Variants in TMEM8B observed in about 807,000 individuals in gnomAD.
TMEM8B encodes the protein transmembrane protein 8B, also known as nasopharyngeal carcinoma expressed 6.
TMEM8B carries 29 observed loss-of-function variants against 49.3 expected under a neutral mutation model. The observed-to-expected ratio is 0.59, with a 90% confidence interval of 0.44 to 0.80. The LOEUF is 0.80. Ranked by LOEUF, TMEM8B falls within the 30% of genes least tolerant of loss-of-function variation. The probability of loss-of-function intolerance (pLI) is 0.00; values close to 1 mark genes in which losing one functional copy is unlikely to be tolerated. For missense variants in TMEM8B, 575 were observed against 658.5 expected (o/e 0.87, Z 1.39); for synonymous variants, 264 against 272.8 (o/e 0.97, Z 0.32).
intron 6 of TMEM8B, among the ~76,000 whole-genome samples, chr9:35,844,854 C>T (rs1391453046): frequency 1.3e-5 from 2 of 152,228 alleles, no homozygotes; most frequent in Non-Finnish European, 2.9e-5. Context: ...TTCTATGACG[C>T]GTGCTAAGCA....
rs1830314178 is a variant in TMEM8B at position 35,835,043 on chromosome 9, A to G, written c.731A>G (p.Asn244Ser). Residue 244 changes from asparagine to serine, a missense_variant, in exon 3 of 13, where the codon AAT (asparagine) becomes AGT (serine). Transcript: ENST00000643932. ...CGGTCCGGGGCACCCCCTGTCATCA[A>G]TCCCCTGCATACACACTTCCCAGGG... Reference protein sequence around the residue: ...YFRSGAPPVINPLHTHFPGDT... With the variant: ...YFRSGAPPVISPLHTHFPGDT... 1 of 415,444 alleles carries G rather than the reference A, an allele frequency of 2.4e-6. No individual in the cohort carries two copies. Among genetic ancestry groups the G allele is most frequent in the African/African-American group, 2.1e-5 (1 of 48,610 alleles). 25.7% of individuals were successfully genotyped at this position (415,444 alleles called of 1,614,324 possible). A position where few individuals can be genotyped will look rare whatever the true frequency, so the allele number is the denominator to read the frequency against.
In TMEM8B at chr9:35,842,243, TG is replaced by T. The variant is rs1831083835; in HGVS notation, c.1310-147del. The T allele has an allele frequency of 8.8e-6, 5 of 566,852 alleles. No homozygotes were observed. Among genetic ancestry groups the T allele is most frequent in the Non-Finnish European group, 1.5e-5 (5 of 343,950 alleles). The allele number at this position is 566,852 out of a possible 1,614,324, so 35.1% of individuals were successfully genotyped here. A position where few individuals can be genotyped will look rare whatever the true frequency, so the allele number is the denominator to read the frequency against. ...CACCATTAGGAAACCCCTATAAACCTGGATGCCCCACACTCCCAAGGGACAT... is the reference window on the plus strand; with the variant it reads ...CACCATTAGGAAACCCCTATAAACCTGATGCCCCACACTCCCAAGGGACAT... On this transcript the variant is annotated intron_variant, in intron 5 of 12. Transcript: ENST00000643932. The surrounding 1 kb of genome is among the most constrained non-coding windows in gnomAD (Gnocchi z 5.6).
intron 6 of TMEM8B, 137 bp from the exon 7 acceptor site, chr9:35,845,838 G>C: frequency 6.5e-7 from 1 of 1,547,498 alleles, no homozygotes; most frequent in Non-Finnish European, 8.7e-7. Flanking sequence ...AGGTGAGAGA[G>C]CAGCTTTGGC....
Position 35,834,918 on chromosome 9 carries a change from G to C in TMEM8B, c.699-93G>C, listed in dbSNP as rs1212081189. On this transcript the variant is annotated intron_variant, in intron 2 of 12. Transcript: ENST00000643932. ...GTATAGGGAATCTATTTGTTTTATC[G>C]GTGAAGAGTGACAGTTCTTTTCTTT... 6 of 414,746 alleles carry C rather than the reference G, an allele frequency of 1.4e-5. No homozygotes were observed. In the East Asian group the frequency reaches 2.1e-4, roughly 15 times the overall value. 25.7% of individuals were successfully genotyped at this position (414,746 alleles called of 1,614,324 possible).
In TMEM8B at chr9:35,829,319, G is replaced by C; in HGVS notation, c.-129G>C. On this transcript the variant is annotated 5_prime_UTR_variant, in exon 1 of 13. Transcript: ENST00000643932. ...TCGCCCAGGCCTGAACTCCTACCCA[G>C]GTCCCCGGCCCCCGCCCCGGGCCCG... 1 of 368,776 alleles carries C rather than the reference G, an allele frequency of 2.7e-6. No individual in the cohort carries two copies. Among genetic ancestry groups the C allele is most frequent in the Non-Finnish European group, 4.8e-6 (1 of 206,594 alleles). 22.8% of individuals were successfully genotyped at this position (368,776 alleles called of 1,614,324 possible).
intron 10 of TMEM8B, among the ~76,000 whole-genome samples, chr9:35,851,137 G>T (rs539807602): frequency 9.2e-5 from 14 of 152,032 alleles, no homozygotes; most frequent in Middle Eastern, 6.8e-3. Flanking sequence ...ATTTTTGAGG[G>T]TCTCGTTCTG....
At chr9:35,845,274 C>T in intron 6 of TMEM8B, 1 of 479,156 alleles carries the variant, frequency 2.1e-6, no homozygotes, top group Non-Finnish European at 2.7e-6. Flanking sequence ...AATATATGGC[C>T]TACCTTAGGG....
At position 35,846,282 on chromosome 9, in the gene TMEM8B, CTG is replaced by C. The variant is rs746636457; in HGVS notation, c.1756_1757del (p.Val586GlnfsTer145). On this transcript the variant is annotated frameshift_variant, in exon 8 of 13. Coordinates refer to ENST00000643932, the MANE Select transcript of TMEM8B (RefSeq NM_001042590.4). LOFTEE classifies it high-confidence loss of function. ...GAGTCCCTGGCCGGCTTCCTCCTCT[CTG>C]TCAGTGCCACCACCAGGGTTGCCAG... 3 of 1,614,120 alleles carry C rather than the reference CTG, an allele frequency of 1.9e-6. No homozygotes were observed. The highest frequency in any genetic ancestry group is 1.7e-6 in the Non-Finnish European group (2 of 1,180,046).
Position 35,852,921 on chromosome 9 carries a change from C to A in TMEM8B, c.2270C>A (p.Ser757Tyr), listed in dbSNP as rs1362033061. ...QFCDFLGSLM[S>Y]VWVTVIAMAR... ...TGTGATTTCCTGGGCTCCTTAATGT[C>A]CGTGTGGGTCACTGTCATTGCCATG... The change falls in exon 11 of 13, where the codon TCC (serine) becomes TAC (tyrosine). Residue 757 changes from serine to tyrosine, a missense_variant. Transcript: ENST00000643932. 2.5e-6 allele frequency: 4 copies of A among 1,614,242 alleles called. No homozygotes were observed. The South Asian group carries it at 4.4e-5, about 18-fold the overall frequency.
rs896438982 is a variant in TMEM8B at position 35,854,363 on chromosome 9, G to A, written c.*523G>A. On this transcript the variant is annotated 3_prime_UTR_variant, in exon 13 of 13. Transcript: ENST00000643932. ...GATGGAGCTGGGACTGGGGCTGTCT[G>A]GGTGGCTGGTATCCTCGTTTGATAC... 1 of 154,704 alleles carries A rather than the reference G, an allele frequency of 6.5e-6. No individual in the cohort carries two copies. Among genetic ancestry groups the A allele is most frequent in the Non-Finnish European group, 1.4e-5 (1 of 69,502 alleles). 9.6% of individuals were successfully genotyped at this position (154,704 alleles called of 1,614,324 possible).
In TMEM8B at chr9:35,852,430, G is replaced by T. The variant is rs533429309; in HGVS notation, c.2176-397G>T. 4.6e-5 allele frequency among the ~76,000 whole-genome samples: 7 copies of T among 152,244 alleles called. 1 individual carries two copies. In the South Asian group the frequency reaches 1.2e-3, roughly 27 times the overall value. Reference sequence around the variant, plus strand: ...AAACTGGGACATAGTGGGGAGATTTGGTTTCTGGGTAGCTTAGAGCTTGGG... The same window carrying T: ...AAACTGGGACATAGTGGGGAGATTTTGTTTCTGGGTAGCTTAGAGCTTGGG... On this transcript the variant is annotated intron_variant, in intron 10 of 12. Coordinates refer to ENST00000643932, the MANE Select transcript of TMEM8B (RefSeq NM_001042590.4).
At position 35,862,003 on chromosome 9, in the gene TMEM8B, TTAAC is replaced by T. The variant is rs372842873; in HGVS notation, c.*8166_*8169del. ...GGTAATCTTGGTCAGTAACTGACCTTTAACTATCATCCATGTGAACATCTACAGT... is the reference window on the plus strand; with the variant it reads ...GGTAATCTTGGTCAGTAACTGACCTTTATCATCCATGTGAACATCTACAGT... On this transcript the variant is annotated 3_prime_UTR_variant, in exon 13 of 13. Transcript: ENST00000643932. The T allele has an allele frequency of 1.3e-4, 20 of 152,368 alleles. No individual in the cohort carries two copies. The highest frequency in any genetic ancestry group is 3.6e-4 in the African/African-American group (15 of 41,584). 9.4% of individuals were successfully genotyped at this position (152,368 alleles called of 1,614,324 possible). A position where few individuals can be genotyped will look rare whatever the true frequency, so the allele number is the denominator to read the frequency against.
chr9:35,833,724 C>T (rs2132225665), intron 1 of TMEM8B, among the ~76,000 whole-genome samples: 1 of 152,314 alleles, frequency 6.6e-6, no homozygotes, highest in South Asian at 2.1e-4. Context: ...GCTGTGCATT[C>T]TGACCTGGGA....
At chr9:35,831,864 T>C (rs553157535) in intron 1 of TMEM8B, among the ~76,000 whole-genome samples, 3 of 152,336 alleles carry the variant, frequency 2.0e-5, no homozygotes, top group African/African-American at 7.2e-5. Context: ...TTGGCAATTT[T>C]GGACCAAAGT....
Position 35,864,150 on chromosome 9 carries a change from T to A in TMEM8B, c.*10310T>A, listed in dbSNP as rs542644419. 6.6e-6 allele frequency: 1 copy of A among 152,176 alleles called. No individual in the cohort carries two copies. Among genetic ancestry groups the A allele is most frequent in the Non-Finnish European group, 1.5e-5 (1 of 68,044 alleles). The allele number at this position is 152,176 out of a possible 1,614,324, so 9.4% of individuals were successfully genotyped here. A position where few individuals can be genotyped will look rare whatever the true frequency, so the allele number is the denominator to read the frequency against. On this transcript the variant is annotated 3_prime_UTR_variant, in exon 13 of 13. Transcript: ENST00000643932. ...GTATGACTTTGGTCAGATTTCTCCT[T>A]CTGAGAAGTGGAGCCAATTAAGCGA...
chr9:35,832,874 C>T (rs1199592394), intron 1 of TMEM8B, among the ~76,000 whole-genome samples: 1 of 152,176 alleles, frequency 6.6e-6, no homozygotes, highest in Non-Finnish European at 1.5e-5. Context: ...TCAGTCGGTC[C>T]CATTTCCCTT....
In TMEM8B at chr9:35,855,760, C is replaced by G. The variant is rs1396126985; in HGVS notation, c.*1920C>G. On this transcript the variant is annotated 3_prime_UTR_variant, in exon 13 of 13. Transcript: ENST00000643932. ...CCTTCAGGACCTAGGCTTTTGAAAC[C>G]CAAAAGCCAGGAAAACATGCCTTTG... The G allele has an allele frequency of 6.6e-6, 1 of 152,188 alleles. No homozygotes were observed. 9.4% of individuals were successfully genotyped at this position (152,188 alleles called of 1,614,324 possible). A position where few individuals can be genotyped will look rare whatever the true frequency, so the allele number is the denominator to read the frequency against.
At chr9:35,843,579 A>G (rs1259143935) in intron 6 of TMEM8B, among the ~76,000 whole-genome samples, 1 of 152,226 alleles carries the variant, frequency 6.6e-6, no homozygotes, top group Non-Finnish European at 1.5e-5. Flanking sequence ...TGCCTTTTTC[A>G]GCAGCTGCAT....
intron 6 of TMEM8B, among the ~76,000 whole-genome samples, chr9:35,844,136 A>C (rs1370172453): frequency 6.6e-6 from 1 of 152,212 alleles, no homozygotes; most frequent in Admixed American, 6.5e-5. Flanking sequence ...GTTGTAATCA[A>C]GGGGCATATA....
Sources: gnomAD v4.1 joint callset for allele counts (sites outside exome capture counted in the v4.1 genomes callset) on GRCh38, gnomAD v4.1.1 for gene constraint, Gnocchi (gnomAD v3.1) non-coding constraint, MANE v1.5 for transcripts, NCBI Gene and HGNC (gene_info 2026-07-23, HGNC 2026-07-21) for gene names.